Variants in GRID2 observed in about 807,000 individuals in gnomAD.
The protein encoded by GRID2 is glutamate ionotropic receptor delta type subunit 2, also known as glutamate receptor ionotropic, delta-2.
A neutral mutation model predicts 114.8 loss-of-function variants in GRID2; 33 were observed. That is an observed-to-expected ratio of 0.29 (90% CI 0.22 to 0.38). The LOEUF is 0.38. Ranked by LOEUF, GRID2 falls within the 10% of genes least tolerant of loss-of-function variation. The pLI is 1.00. For missense variants in GRID2, 1,184 were observed against 1,257.7 expected (o/e 0.94, Z 0.89); for synonymous variants, 505 against 449.9 (o/e 1.12, Z -1.55).
intron 9 of GRID2, among the ~76,000 whole-genome samples, chr4:93,421,883 A>G (rs1473466895): frequency 6.6e-6 from 1 of 152,008 alleles, no homozygotes; most frequent in Admixed American, 6.5e-5. Flanking sequence ...TCTGGCTTAT[A>G]TACAAGGAGA....
chr4:93,006,611 TC>T (rs1721559137), intron 2 of GRID2, among the ~76,000 whole-genome samples: 1 of 144,158 alleles, frequency 6.9e-6, no homozygotes, highest in African/African-American at 2.6e-5. Context: ...AAAAAGAGAG[TC>T]ACTATATCAG....
At position 92,530,728 on chromosome 4, in the gene GRID2, C is replaced by T. The variant is rs1422138689; in HGVS notation, c.89-59403C>T. ...CAGACTGACCAACATAGTGAAACCC[C>T]CTCTACTAAAAAAAAAAAAAAAAAA... On this transcript the variant is annotated intron_variant, in intron 1 of 15. Transcript: ENST00000282020. 6.1e-5 allele frequency among the ~76,000 whole-genome samples: 8 copies of T among 132,212 alleles called. No individual in the cohort carries two copies. The South Asian group carries it at 7.6e-4, about 13-fold the overall frequency. The allele number at this position is 132,212 out of a possible 152,430, so 86.7% of individuals were successfully genotyped here.
At chr4:93,405,919 C>A (rs1766365692) in intron 9 of GRID2, among the ~76,000 whole-genome samples, 1 of 152,086 alleles carries the variant, frequency 6.6e-6, no homozygotes, top group Admixed American at 6.6e-5. Flanking sequence ...TACAAAGGAA[C>A]ACATTAGTAG....
At chr4:93,252,329 A>ATTTTTTTTTTTTTTTTTTTTTT (rs56056248) in intron 8 of GRID2, among the ~76,000 whole-genome samples, 1 of 119,760 alleles carries the variant, frequency 8.4e-6, no homozygotes, top group African/African-American at 3.2e-5. Context: ...GGAATCCTTC[A>ATTTTTTTTTTTTTTTTTTTTTT]TTTTTTTTTT....
chr4:92,442,956 T>C (rs369528423), intron 1 of GRID2, among the ~76,000 whole-genome samples: 3 of 151,952 alleles, frequency 2.0e-5, no homozygotes, highest in Admixed American at 6.6e-5. Context: ...AAAAAGATTA[T>C]AGGGTGGAGG....
At chr4:93,135,288 A>G (rs1297691844) in intron 4 of GRID2, among the ~76,000 whole-genome samples, 3 of 152,112 alleles carry the variant, frequency 2.0e-5, no homozygotes, top group South Asian at 4.1e-4. Context: ...CAGCTCTGAC[A>G]TTTTCAGAGT....
chr4:92,647,482 G>C (rs576884379), intron 2 of GRID2, among the ~76,000 whole-genome samples: 40 of 149,280 alleles, frequency 2.7e-4, no homozygotes, highest in Admixed American at 6.0e-4. Context: ...CTTGAATTAT[G>C]GTTTTTTTGT....
chr4:93,733,980 A>G (rs1003360925), intron 14 of GRID2, among the ~76,000 whole-genome samples: 13 of 152,168 alleles, frequency 8.5e-5, no homozygotes, highest in African/African-American at 3.1e-4. Flanking sequence ...TCTTAAATGT[A>G]TCCTTTCTCT....
rs1049865464 is a variant in GRID2 at position 92,405,004 on chromosome 4, C to T, written c.88+100260C>T. ...CACTTGCCTATGTAACAAAGCTGCA[C>T]ATCCTGCAAATTTATCCTGGAACTT... On this transcript the variant is annotated intron_variant, in intron 1 of 15. Transcript: ENST00000282020. 1.4e-4 allele frequency among the ~76,000 whole-genome samples: 21 copies of T among 152,196 alleles called. 1 individual carries two copies. The highest frequency in any genetic ancestry group is 4.6e-4 in the African/African-American group (19 of 41,538).
chr4:92,800,168 G>C (rs1272318224), intron 2 of GRID2, among the ~76,000 whole-genome samples: 1 of 151,900 alleles, frequency 6.6e-6, no homozygotes, highest in Non-Finnish European at 1.5e-5. Context: ...ACGTGAGTCA[G>C]TTAAGGATAT....
chr4:92,957,728 A>G (rs530947493), intron 2 of GRID2, among the ~76,000 whole-genome samples: 2 of 152,208 alleles, frequency 1.3e-5, no homozygotes, highest in African/African-American at 2.4e-5. Flanking sequence ...TATATTATTT[A>G]TAGATCAAAT....
intron 11 of GRID2, among the ~76,000 whole-genome samples, chr4:93,475,633 T>G (rs1054155156): frequency 6.6e-6 from 1 of 152,118 alleles, no homozygotes; most frequent in African/African-American, 2.4e-5. Flanking sequence ...TAAGGCCTAG[T>G]TTAGTAACCA....
intron 2 of GRID2, among the ~76,000 whole-genome samples, chr4:92,640,578 A>G (rs554861519): frequency 6.6e-6 from 1 of 152,054 alleles, no homozygotes; most frequent in Admixed American, 6.6e-5. Context: ...AATGGAAGAA[A>G]ATAAATTCTG....
At chr4:92,617,540 C>T (rs1481797557) in intron 2 of GRID2, among the ~76,000 whole-genome samples, 1 of 151,654 alleles carries the variant, frequency 6.6e-6, no homozygotes. Context: ...CTATAAATGA[C>T]AGGATATCAT....
At chr4:92,576,379 A>G (rs1458427027) in intron 1 of GRID2, among the ~76,000 whole-genome samples, 2 of 152,180 alleles carry the variant, frequency 1.3e-5, no homozygotes, top group East Asian at 1.9e-4. Flanking sequence ...AGAGGGCTCC[A>G]TCTCCTCTCA....
chr4:93,004,462 T>C (rs986177291), intron 2 of GRID2, among the ~76,000 whole-genome samples: 40 of 152,056 alleles, frequency 2.6e-4, no homozygotes, highest in Non-Finnish European at 5.1e-4. Context: ...TTCATGTACT[T>C]AAAGCCTTGC....
chr4:92,973,547 G>T lies in GRID2; in HGVS notation c.245-111448G>T, dbSNP rs151326008. 1.1e-4 allele frequency among the ~76,000 whole-genome samples: 16 copies of T among 152,196 alleles called. No homozygotes were observed. In the East Asian group the frequency reaches 3.1e-3, roughly 29 times the overall value. On this transcript the variant is annotated intron_variant, in intron 2 of 15. Coordinates refer to ENST00000282020, the MANE Select transcript of GRID2 (RefSeq NM_001510.4). Reference sequence around the variant, plus strand: ...CTATTATTTATTAATTCATAAAGGGGAAGCAATTAGTTTATATGCCAGTGA... The same window carrying T: ...CTATTATTTATTAATTCATAAAGGGTAAGCAATTAGTTTATATGCCAGTGA...
chr4:92,708,142 C>T (rs1054107713), intron 2 of GRID2, among the ~76,000 whole-genome samples: 4 of 152,184 alleles, frequency 2.6e-5, no homozygotes, highest in African/African-American at 9.6e-5. Context: ...CCACATAGTC[C>T]AGGGAAGCAC....
At chr4:92,466,494 A>G (rs1721757504) in intron 1 of GRID2, among the ~76,000 whole-genome samples, 1 of 151,772 alleles carries the variant, frequency 6.6e-6, no homozygotes, top group African/African-American at 2.4e-5. Flanking sequence ...GTATGCCTTT[A>G]TCAAAACATC....
Sources: gnomAD v4.1 joint callset for allele counts (sites outside exome capture counted in the v4.1 genomes callset) on GRCh38, gnomAD v4.1.1 for gene constraint, MANE v1.5 for transcripts, NCBI Gene and HGNC (gene_info 2026-07-23, HGNC 2026-07-21) for gene names.